Variants in GRIK1 observed in about 807,000 individuals in gnomAD.
GRIK1 encodes the protein glutamate ionotropic receptor kainate type subunit 1.
Under a neutral mutation model 105.7 loss-of-function variants are expected in GRIK1, and 69 were observed. That is an observed-to-expected ratio of 0.65 (90% CI 0.54 to 0.80). The LOEUF (loss-of-function observed/expected upper bound fraction) is 0.80. Among genes scored for constraint, GRIK1 ranks in the 30% least tolerant of loss-of-function variants. GRIK1 has a pLI of 0.00. For missense variants in GRIK1, 1,109 were observed against 1,167.3 expected (o/e 0.95, Z 0.73); for synonymous variants, 438 against 431.3 (o/e 1.02, Z -0.19).
intron 1 of GRIK1, among the ~76,000 whole-genome samples, chr21:29,905,619 ATTTTTTTTTTTTTTT>A (rs869179451): frequency 2.8e-5 from 2 of 72,582 alleles, no homozygotes; most frequent in East Asian, 4.4e-4. Flanking sequence ...CAAATTTTGT[ATTTTTTTTTTTTTTT>A]TTTTTTTTTT....
At chr21:29,576,913 C>T in intron 14 of GRIK1, 51 bp downstream of exon 14, 1 of 935,686 alleles carries the variant, frequency 1.1e-6, no homozygotes, top group Non-Finnish European at 1.7e-6. Context: ...TTCTTTTATA[C>T]TCTACCACAA....
At chr21:29,559,512 G>A (rs1465387497) in intron 15 of GRIK1, among the ~76,000 whole-genome samples, 3 of 152,180 alleles carry the variant, frequency 2.0e-5, no homozygotes, top group Non-Finnish European at 2.9e-5. Flanking sequence ...AAATAAAGAA[G>A]CAAGAAGGTA....
chr21:29,721,506 G>A (rs930518726), intron 1 of GRIK1, among the ~76,000 whole-genome samples: 1 of 148,950 alleles, frequency 6.7e-6, no homozygotes, highest in Admixed American at 6.7e-5. Flanking sequence ...AAGCTGAATC[G>A]ACAATGGGCA....
chr21:29,922,809 T>C lies in GRIK1; in HGVS notation c.118+16574A>G, dbSNP rs117223958. On this transcript the variant is annotated intron_variant, in intron 1 of 17. Coordinates refer to ENST00000327783, the MANE Select transcript of GRIK1 (RefSeq NM_001330994.2). Reference sequence around the variant, plus strand: ...ATGCATTTGTATGCTTCTAAATAAGTTACTTTTTTTAGCAGACTTTTGAGA... The same window carrying C: ...ATGCATTTGTATGCTTCTAAATAAGCTACTTTTTTTAGCAGACTTTTGAGA... Among the ~76,000 whole-genome samples, 1,382 of 152,298 alleles carry C rather than the reference T, an allele frequency of 9.1e-3. 13 individuals carry two copies. Among genetic ancestry groups the C allele is most frequent in the Non-Finnish European group, 0.014 (952 of 67,996 alleles).
At chr21:29,712,234 T>C (rs895381124) in intron 1 of GRIK1, among the ~76,000 whole-genome samples, 2 of 152,060 alleles carry the variant, frequency 1.3e-5, no homozygotes, top group African/African-American at 4.8e-5. Flanking sequence ...ATTTTAGTGA[T>C]GTACAATATT....
At chr21:29,838,344 C>G (rs2067869446) in intron 1 of GRIK1, among the ~76,000 whole-genome samples, 1 of 151,714 alleles carries the variant, frequency 6.6e-6, no homozygotes, top group Non-Finnish European at 1.5e-5. Flanking sequence ...TGAAGAACTT[C>G]AATGAAGACG....
At chr21:29,624,170 C>T (rs866206022) in intron 7 of GRIK1, among the ~76,000 whole-genome samples, 26 of 152,142 alleles carry the variant, frequency 1.7e-4, no homozygotes, top group African/African-American at 6.3e-4. Flanking sequence ...AAATATTTGG[C>T]AGTGACTACA....
chr21:29,840,590 A>T (rs2067950046), intron 1 of GRIK1, among the ~76,000 whole-genome samples: 1 of 152,172 alleles, frequency 6.6e-6, no homozygotes, highest in Non-Finnish European at 1.5e-5. Flanking sequence ...AGAAACAATT[A>T]TTTTAAAACA....
At chr21:29,934,067 C>A (rs1368109698) in intron 1 of GRIK1, among the ~76,000 whole-genome samples, 1 of 152,268 alleles carries the variant, frequency 6.6e-6, no homozygotes, top group South Asian at 2.1e-4. Flanking sequence ...TTACCACCAC[C>A]GCCATCTCCA....
At chr21:29,765,929 G>A (rs1228022874) in intron 1 of GRIK1, among the ~76,000 whole-genome samples, 2 of 151,098 alleles carry the variant, frequency 1.3e-5, no homozygotes, top group East Asian at 3.9e-4. Context: ...TCGGCTCATT[G>A]CAAGTTCCAC....
intron 1 of GRIK1, among the ~76,000 whole-genome samples, chr21:29,721,979 A>G (rs1227441753): frequency 6.6e-6 from 1 of 152,226 alleles, no homozygotes; most frequent in African/African-American, 2.4e-5. Flanking sequence ...TTTCCACAAT[A>G]AAATTATTAA....
intron 1 of GRIK1, among the ~76,000 whole-genome samples, chr21:29,717,513 AG>A (rs774357787): frequency 1.4e-4 from 22 of 152,382 alleles, no homozygotes; most frequent in South Asian, 6.2e-4. Flanking sequence ...AAGGAGTCAA[AG>A]GGGATCATTT....
intron 15 of GRIK1, among the ~76,000 whole-genome samples, chr21:29,558,709 T>TTA (rs200405465): frequency 2.8e-5 from 4 of 143,680 alleles, no homozygotes; most frequent in African/African-American, 8.4e-5. Flanking sequence ...ATATGTATAT[T>TTA]TATATATATA....
intron 1 of GRIK1, among the ~76,000 whole-genome samples, chr21:29,792,148 TTGTGTATA>T (rs1231546286): frequency 1.3e-5 from 2 of 152,120 alleles, no homozygotes; most frequent in Non-Finnish European, 1.5e-5. Context: ...TGTCTATGTA[TTGTGTATA>T]TGTGTATATG....
At chr21:29,642,124 G>T (rs363596) in intron 7 of GRIK1, among the ~76,000 whole-genome samples, 1 of 152,152 alleles carries the variant, frequency 6.6e-6, no homozygotes, top group East Asian at 1.9e-4. Flanking sequence ...CCTGAGGTTC[G>T]TGGTGGAATG....
rs952712370 is a variant in GRIK1 at position 29,587,469 on chromosome 21, T to A, written c.1690A>T (p.Asn564Tyr). Residue 564 changes from asparagine to tyrosine, a missense_variant, in exon 12 of 18, where the codon AAT becomes TAT. By Grantham distance (143) the Asn-to-Tyr change is moderately radical. Around this residue, in one of 5 missense-constraint regions of GRIK1, gnomAD observed 264 missense variants for 306.9 expected, o/e 0.86. Transcript: ENST00000327783. ...SILYRKPNGT[N>Y]PGVFSFLNPL... is the part of the protein sequence containing the mutation. The stretch of plus-strand genomic sequence containing the variant: ...TTGAGGAAGGAGAAAACGCCTGGAT[T>A]GGTACCATTGGGCTTCCGGTAGAGA... 1.3e-5 allele frequency: 21 copies of A among 1,612,942 alleles called. No individual in the cohort carries two copies. In the Admixed American group the frequency reaches 3.0e-4, roughly 23 times the overall value.
intron 7 of GRIK1, among the ~76,000 whole-genome samples, chr21:29,641,486 G>C (rs977332959): frequency 6.6e-6 from 1 of 152,108 alleles, no homozygotes; most frequent in African/African-American, 2.4e-5. Context: ...AAATTACCCA[G>C]TCTCAGGTAT....
chr21:29,825,135 G>A (rs117940092), intron 1 of GRIK1, among the ~76,000 whole-genome samples: 2,833 of 152,144 alleles, frequency 0.019, 39 homozygotes, highest in Non-Finnish European at 0.03. Flanking sequence ...TCCTAAATGA[G>A]GAATCATCAA....
intron 7 of GRIK1, chr21:29,630,598 G>A: frequency 2.1e-6 from 1 of 471,456 alleles, no homozygotes; most frequent in South Asian, 1.5e-5. Flanking sequence ...ACGTGAGCTT[G>A]GAAGAGGACC....
Sources: allele counts gnomAD v4.1 joint callset (sites outside exome capture counted in the v4.1 genomes callset), GRCh38; gene constraint gnomAD v4.1.1; regional missense constraint gnomAD v4.1.1; transcripts MANE v1.5; gene names NCBI Gene and HGNC (gene_info 2026-07-23, HGNC 2026-07-21).